The following IMMP2L variants were observed in gnomAD, a reference collection of about 807,000 sequenced individuals.
IMMP2L encodes the protein mitochondrial inner membrane protease subunit 2.
In IMMP2L, 18 loss-of-function variants were observed where a neutral mutation model predicts 19.3. The observed-to-expected ratio is 0.93, with a 90% confidence interval of 0.64 to 1.38. The LOEUF is 1.38. IMMP2L is among the 40% of genes most tolerant of loss of function. The probability of loss-of-function intolerance (pLI) is 0.00; values close to 1 mark genes in which losing one functional copy is unlikely to be tolerated. For synonymous variants in IMMP2L, 76 were observed against 73.0 expected (o/e 1.04, Z -0.21); for missense variants, 233 against 218.2 (o/e 1.07, Z -0.43).
intron 2 of IMMP2L, among the ~76,000 whole-genome samples, chr7:111,498,433 G>A (rs1439674696): frequency 6.6e-6 from 1 of 151,932 alleles, no homozygotes; most frequent in African/African-American, 2.4e-5. Context: ...GATACATGCG[G>A]AATCTTTAAC....
intron 3 of IMMP2L, among the ~76,000 whole-genome samples, chr7:110,990,287 A>C (rs1822318592): frequency 6.6e-6 from 1 of 152,204 alleles, no homozygotes; most frequent in Non-Finnish European, 1.5e-5. Flanking sequence ...AAATCTTAAA[A>C]TGCATGGCTG....
intron 3 of IMMP2L, among the ~76,000 whole-genome samples, chr7:111,085,039 G>A (rs1022842826): frequency 1.3e-5 from 2 of 152,108 alleles, no homozygotes; most frequent in Non-Finnish European, 2.9e-5. Context: ...AATGGAGAGA[G>A]ACATAGAGAA....
rs146735212 is a variant in IMMP2L at position 111,229,870 on chromosome 7, G to C, written c.239+257368C>G. 4.6e-4 allele frequency among the ~76,000 whole-genome samples: 70 copies of C among 152,066 alleles called. 1 individual carries two copies. Among genetic ancestry groups the C allele is most frequent in the Middle Eastern group, 6.8e-3 (2 of 292 alleles). On this transcript the variant is annotated intron_variant, in intron 3 of 5. Coordinates refer to ENST00000405709, the MANE Select transcript of IMMP2L (RefSeq NM_032549.4). ...GAATGTTACATTGGAGAAATGCTCA[G>C]AAAAAAGCCCAAGTGTAAAGAACGG... is the stretch of plus-strand genomic sequence containing the variant.
chr7:111,174,346 C>T (rs763124319), intron 3 of IMMP2L, among the ~76,000 whole-genome samples: 12 of 151,682 alleles, frequency 7.9e-5, no homozygotes, highest in South Asian at 6.2e-4. Context: ...CTACAGCTGG[C>T]GAGTGTCAAA....
intron 3 of IMMP2L, among the ~76,000 whole-genome samples, chr7:111,351,504 C>T (rs913508734): frequency 6.6e-6 from 1 of 152,144 alleles, no homozygotes. Flanking sequence ...TTTTTACTTA[C>T]ACTGCACTGT....
At chr7:111,203,109 G>A (rs1437839171) in intron 3 of IMMP2L, among the ~76,000 whole-genome samples, 1 of 152,128 alleles carries the variant, frequency 6.6e-6, no homozygotes, top group Non-Finnish European at 1.5e-5. Context: ...AAAAGAAGAA[G>A]GGTGATATTC....
intron 3 of IMMP2L, among the ~76,000 whole-genome samples, chr7:111,132,205 C>T (rs989514416): frequency 5.9e-5 from 9 of 151,870 alleles, no homozygotes; most frequent in Non-Finnish European, 1.0e-4. Context: ...TAAATAAAAC[C>T]TTTAAAATAG....
At chr7:111,010,517 T>G (rs1387644610) in intron 3 of IMMP2L, among the ~76,000 whole-genome samples, 1 of 152,130 alleles carries the variant, frequency 6.6e-6, no homozygotes, top group Non-Finnish European at 1.5e-5. Flanking sequence ...TAGTTTCCAT[T>G]AAAACTATGG....
intron 3 of IMMP2L, among the ~76,000 whole-genome samples, chr7:111,031,874 T>C (rs932978904): frequency 1.3e-5 from 2 of 151,996 alleles, no homozygotes; most frequent in Middle Eastern, 6.8e-3. Flanking sequence ...GCACTTTACC[T>C]CTGTGGTCTT....
rs191486745 is a variant in IMMP2L at position 111,438,486 on chromosome 7, C to T, written c.239+48752G>A. ...CTTTTTATAACAACTTCTGACAATC[C>T]TCTAGAGAACAAAAATTCACTTTTA... On this transcript the variant is annotated intron_variant, in intron 3 of 5. Transcript: ENST00000405709. Among the ~76,000 whole-genome samples the T allele has an allele frequency of 9.2e-5, 14 of 151,848 alleles. No individual in the cohort carries two copies. The East Asian group carries it at 2.5e-3, about 27-fold the overall frequency.
intron 3 of IMMP2L, among the ~76,000 whole-genome samples, chr7:111,229,855 T>A (rs1274187027): frequency 6.6e-6 from 1 of 152,110 alleles, no homozygotes. Context: ...GAATGTTACA[T>A]TGGAGAAATG....
intron 3 of IMMP2L, among the ~76,000 whole-genome samples, chr7:111,355,561 G>A (rs1001699864): frequency 1.3e-5 from 2 of 151,440 alleles, no homozygotes; most frequent in African/African-American, 4.8e-5. Context: ...CCAGTTTTAA[G>A]AGCAATTTTG....
intron 3 of IMMP2L, among the ~76,000 whole-genome samples, chr7:111,285,024 G>T (rs1820335140): frequency 6.6e-6 from 1 of 152,158 alleles, no homozygotes; most frequent in Non-Finnish European, 1.5e-5. Flanking sequence ...TGGAGTGACT[G>T]TGCTGAGGGT....
chr7:111,377,045 A>G (rs753979057), intron 3 of IMMP2L, among the ~76,000 whole-genome samples: 2 of 151,990 alleles, frequency 1.3e-5, no homozygotes, highest in Non-Finnish European at 2.9e-5. Flanking sequence ...ATCATATGGT[A>G]TATGAATTAA....
intron 3 of IMMP2L, among the ~76,000 whole-genome samples, chr7:111,053,263 C>T (rs1252694153): frequency 6.6e-6 from 1 of 152,172 alleles, no homozygotes; most frequent in African/African-American, 2.4e-5. Context: ...GCATCCCTTC[C>T]CTCCTGATTC....
At chr7:110,893,298 C>T (rs550378630) in intron 4 of IMMP2L, among the ~76,000 whole-genome samples, 1 of 152,132 alleles carries the variant, frequency 6.6e-6, no homozygotes, top group African/African-American at 2.4e-5. Flanking sequence ...TGCCACAAAC[C>T]TTACATTTAT....
At chr7:111,394,145 GAC>G (rs1256691586) in intron 3 of IMMP2L, among the ~76,000 whole-genome samples, 3 of 152,020 alleles carry the variant, frequency 2.0e-5, no homozygotes, top group Non-Finnish European at 2.9e-5. Flanking sequence ...TAGTTTAACT[GAC>G]AATATTTTTG....
At chr7:111,273,682 G>A (rs1169287440) in intron 3 of IMMP2L, among the ~76,000 whole-genome samples, 14 of 152,062 alleles carry the variant, frequency 9.2e-5, no homozygotes, top group Non-Finnish European at 7.4e-5. Flanking sequence ...GTCTGAAGGG[G>A]TCTTAAGTTC....
At chr7:111,448,010 A>T (rs1158151368) in intron 3 of IMMP2L, among the ~76,000 whole-genome samples, 4 of 143,982 alleles carry the variant, frequency 2.8e-5, no homozygotes, top group Non-Finnish European at 4.5e-5. Flanking sequence ...AGAGCTAACT[A>T]TCCTAAATAT....
Sources: gnomAD v4.1 joint callset for allele counts (sites outside exome capture counted in the v4.1 genomes callset) on GRCh38, gnomAD v4.1.1 for gene constraint, MANE v1.5 for transcripts, NCBI Gene and HGNC (gene_info 2026-07-23, HGNC 2026-07-21) for gene names.